Variants in FAM227B observed in about 807,000 individuals in gnomAD.
FAM227B encodes protein FAM227B.
Under a neutral mutation model 73.8 loss-of-function variants are expected in FAM227B, and 88 were observed. The ratio of observed to expected loss-of-function variants is 1.19; its 90% CI spans 1.00 to 1.42. The LOEUF is 1.42. FAM227B is among the 40% of genes most tolerant of loss of function. The pLI is 0.00. For missense variants in FAM227B, 632 were observed against 590.9 expected (o/e 1.07, Z -0.72); for synonymous variants, 210 against 190.5 (o/e 1.10, Z -0.84).
chr15:49,410,307 C>A (rs1325371068), intron 11 of FAM227B, among the ~76,000 whole-genome samples: 3 of 152,124 alleles, frequency 2.0e-5, no homozygotes, highest in Non-Finnish European at 2.9e-5. Context: ...ATCGTTTGAA[C>A]CCTGACAGCT....
intron 9 of FAM227B, among the ~76,000 whole-genome samples, chr15:49,544,563 G>T (rs1204398306): frequency 6.6e-6 from 1 of 152,110 alleles, no homozygotes; most frequent in East Asian, 1.9e-4. Context: ...TGGTGAAAGT[G>T]GGCATCCTTG....
chr15:49,559,244 T>C (rs967184539), intron 9 of FAM227B, among the ~76,000 whole-genome samples: 1 of 152,158 alleles, frequency 6.6e-6, no homozygotes, highest in Admixed American at 6.5e-5. Flanking sequence ...GTGCACTTCA[T>C]AAGGAACTCC....
At chr15:49,545,100 A>G (rs1280112295) in intron 9 of FAM227B, among the ~76,000 whole-genome samples, 1 of 152,086 alleles carries the variant, frequency 6.6e-6, no homozygotes, top group African/African-American at 2.4e-5. Context: ...TAAATGTCTG[A>G]TAGAATTCAG....
intron 3 of FAM227B, among the ~76,000 whole-genome samples, chr15:49,607,734 T>G (rs2077613637): frequency 6.6e-6 from 1 of 152,184 alleles, no homozygotes; most frequent in Admixed American, 6.5e-5. Flanking sequence ...AATCAAGGGA[T>G]AGACTGGTGT....
At chr15:49,500,330 AT>A (rs1459259210) in intron 11 of FAM227B, among the ~76,000 whole-genome samples, 1 of 152,288 alleles carries the variant, frequency 6.6e-6, no homozygotes, top group Non-Finnish European at 1.5e-5. Flanking sequence ...CAGGCACTCA[AT>A]AACCTGTGAG....
chr15:49,449,418 T>C (rs2052522476), intron 11 of FAM227B, among the ~76,000 whole-genome samples: 1 of 152,038 alleles, frequency 6.6e-6, no homozygotes, highest in South Asian at 2.1e-4. Flanking sequence ...GGCTAAGCAA[T>C]GTAAATTCAC....
intron 11 of FAM227B, among the ~76,000 whole-genome samples, chr15:49,502,503 T>C (rs1399487498): frequency 6.6e-6 from 1 of 152,262 alleles, no homozygotes; most frequent in Non-Finnish European, 1.5e-5. Context: ...TCAGTTCTTT[T>C]CTTTTGGCCG....
At chr15:49,614,030 T>A (rs2078127754) in intron 2 of FAM227B, among the ~76,000 whole-genome samples, 1 of 152,192 alleles carries the variant, frequency 6.6e-6, no homozygotes, top group Non-Finnish European at 1.5e-5. Flanking sequence ...AGAATCAAAC[T>A]TAATGAAAAC....
intron 11 of FAM227B, among the ~76,000 whole-genome samples, chr15:49,448,521 T>C (rs1403659608): frequency 3.3e-5 from 5 of 151,616 alleles, no homozygotes; most frequent in Non-Finnish European, 7.4e-5. Context: ...ACTCCTAACA[T>C]AAGTTAATCA....
At chr15:49,539,649 T>G (rs1283441283) in intron 10 of FAM227B, among the ~76,000 whole-genome samples, 2 of 152,160 alleles carry the variant, frequency 1.3e-5, no homozygotes, top group East Asian at 3.8e-4. Flanking sequence ...GAGGTGGTGT[T>G]GCAGTGGGTC....
At chr15:49,484,393 C>G (rs868057318) in intron 11 of FAM227B, 1 of 1,593,720 alleles carries the variant, frequency 6.3e-7, no homozygotes, top group Non-Finnish European at 8.5e-7. Context: ...AATGGACACA[C>G]AACGGAGGGG....
At chr15:49,489,736 A>T (rs2056721291) in intron 11 of FAM227B, among the ~76,000 whole-genome samples, 1 of 143,054 alleles carries the variant, frequency 7.0e-6, no homozygotes, top group African/African-American at 2.5e-5. Context: ...ACACACTGGT[A>T]TCCCCTGTTC....
intron 11 of FAM227B, among the ~76,000 whole-genome samples, chr15:49,503,322 C>T (rs935511657): frequency 1.5e-4 from 23 of 152,086 alleles, no homozygotes; most frequent in Admixed American, 1.4e-3. Context: ...TATAAAAACC[C>T]TAGAAGAAAA....
intron 7 of FAM227B, 32 bp downstream of exon 7, chr15:49,576,709 G>A (rs763176520): frequency 8.3e-7 from 1 of 1,207,864 alleles, no homozygotes; most frequent in South Asian, 1.3e-5. Flanking sequence ...CTGTCAAAAT[G>A]TATCCTACAA....
chr15:49,443,126 T>C (rs1346373405), intron 11 of FAM227B, among the ~76,000 whole-genome samples: 2 of 151,838 alleles, frequency 1.3e-5, no homozygotes, highest in African/African-American at 2.4e-5. Context: ...CTCCTTGTAC[T>C]GGTCCATGAG....
At chr15:49,483,320 C>A (rs2056122168) in intron 11 of FAM227B, 3 of 792,860 alleles carry the variant, frequency 3.8e-6, no homozygotes, top group Non-Finnish European at 4.3e-6. Flanking sequence ...TCTCACCTTT[C>A]TGAAAAGTAA....
chr15:49,340,939 T>C (rs149261901), intron 13 of FAM227B, among the ~76,000 whole-genome samples: 19 of 152,318 alleles, frequency 1.2e-4, no homozygotes. Flanking sequence ...TTAATTTTTG[T>C]ATATGATGAA....
At chr15:49,587,690 T>G (rs369346597) in intron 5 of FAM227B, among the ~76,000 whole-genome samples, 1 of 152,072 alleles carries the variant, frequency 6.6e-6, no homozygotes, top group Non-Finnish European at 1.5e-5. Flanking sequence ...TCAAAAAGAA[T>G]TATTAATTTT....
chr15:49,335,765 G>A (rs150176295), intron 13 of FAM227B, among the ~76,000 whole-genome samples: 3 of 152,292 alleles, frequency 2.0e-5, no homozygotes, highest in East Asian at 3.9e-4. Context: ...ATTACCTTTT[G>A]TATGTGTTTG....
Sources: gnomAD v4.1 joint callset for allele counts (sites outside exome capture counted in the v4.1 genomes callset) on GRCh38, gnomAD v4.1.1 for gene constraint, MANE v1.5 for transcripts, NCBI Gene and HGNC (gene_info 2026-07-23, HGNC 2026-07-21) for gene names.